LOC128125817: variants seen among roughly 807,000 people sequenced by gnomAD.
chr1:41,620,012 T>TG, the LOC128125817 span, among the ~76,000 whole-genome samples: 19 of 152,140 alleles, frequency 1.2e-4, no homozygotes, highest in Non-Finnish European at 2.5e-4. Context: ...TGCAGGGGTT[T>TG]GGGGGCTGCA....
the LOC128125817 span, among the ~76,000 whole-genome samples, chr1:41,623,972 A>G: frequency 3.9e-5 from 6 of 152,034 alleles, no homozygotes; most frequent in Non-Finnish European, 7.4e-5. Flanking sequence ...GCTCTTCTGC[A>G]CCTTTTCTTC....
the LOC128125817 span, among the ~76,000 whole-genome samples, chr1:41,608,398 G>A: frequency 6.6e-6 from 1 of 152,224 alleles, no homozygotes; most frequent in Non-Finnish European, 1.5e-5. Flanking sequence ...GGTCTGGAAT[G>A]CCCTTGCTCA....
At chr1:41,618,490 A>G in the LOC128125817 span, among the ~76,000 whole-genome samples, 1 of 152,158 alleles carries the variant, frequency 6.6e-6, no homozygotes, top group Admixed American at 6.5e-5. Context: ...GCAGCCTCCT[A>G]CCGAGGCCCA....
At chr1:41,608,661 A>G in the LOC128125817 span, among the ~76,000 whole-genome samples, 12 of 152,180 alleles carry the variant, frequency 7.9e-5, no homozygotes, top group African/African-American at 2.9e-4. Context: ...TTCTGCTCTG[A>G]TTGCTCTGTC....
chr1:41,585,501 G>A, the LOC128125817 span, among the ~76,000 whole-genome samples: 4 of 152,130 alleles, frequency 2.6e-5, no homozygotes, highest in African/African-American at 9.7e-5. Context: ...TCCAAGCCCT[G>A]CAATTCTTTC....
the LOC128125817 span, among the ~76,000 whole-genome samples, chr1:41,589,204 C>G: frequency 1.3e-5 from 2 of 152,192 alleles, no homozygotes; most frequent in Non-Finnish European, 1.5e-5. Flanking sequence ...GCTGGGCCAA[C>G]AGAGGCCTGA....
the LOC128125817 span, among the ~76,000 whole-genome samples, chr1:41,611,528 G>A: frequency 2.0e-4 from 30 of 152,240 alleles, no homozygotes; most frequent in Middle Eastern, 3.2e-3. Flanking sequence ...CAAAGGCACC[G>A]AAGGTTCCAT....
At chr1:41,588,717 G>T in the LOC128125817 span, among the ~76,000 whole-genome samples, 3 of 152,170 alleles carry the variant, frequency 2.0e-5, no homozygotes, top group Admixed American at 6.5e-5. Flanking sequence ...ACCGTTGGCT[G>T]CCAGGGCGCA....
At chr1:41,613,019 G>C in the LOC128125817 span, among the ~76,000 whole-genome samples, 1 of 152,220 alleles carries the variant, frequency 6.6e-6, no homozygotes. Context: ...AGCGCCCAAG[G>C]AAGCTCCAAG....
chr1:41,605,095 ACT>A, the LOC128125817 span, among the ~76,000 whole-genome samples: 31 of 128,638 alleles, frequency 2.4e-4, no homozygotes, highest in Admixed American at 9.9e-4. Context: ...ACAGAATGAG[ACT>A]CTGTCTCCAA....
the LOC128125817 span, among the ~76,000 whole-genome samples, chr1:41,602,336 A>C: frequency 1.3e-5 from 2 of 152,152 alleles, no homozygotes; most frequent in Non-Finnish European, 2.9e-5. Context: ...AATCTTTAAA[A>C]AATATTTTGG....
chr1:41,605,365 ACG>A, the LOC128125817 span, among the ~76,000 whole-genome samples: 2 of 124,388 alleles, frequency 1.6e-5, no homozygotes, highest in Admixed American at 8.9e-5. Context: ...ACATACACAC[ACG>A]CACACGCGCA....
chr1:41,595,073 T>C, the LOC128125817 span, among the ~76,000 whole-genome samples: 1 of 152,244 alleles, frequency 6.6e-6, no homozygotes, highest in Non-Finnish European at 1.5e-5. Context: ...ATAGAATTTG[T>C]GGGAAAGGGA....
At chr1:41,608,452 T>C in the LOC128125817 span, among the ~76,000 whole-genome samples, 1 of 152,204 alleles carries the variant, frequency 6.6e-6, no homozygotes, top group Admixed American at 6.5e-5. Flanking sequence ...GTTGGGGAAT[T>C]TGGCGGCCAC....
At chr1:41,625,757 T>A in the LOC128125817 span, among the ~76,000 whole-genome samples, 3 of 152,224 alleles carry the variant, frequency 2.0e-5, no homozygotes, top group Admixed American at 2.0e-4. Context: ...AAATAAAGTC[T>A]TTTGCATCTG....
the LOC128125817 span, among the ~76,000 whole-genome samples, chr1:41,586,495 G>A: frequency 9.6e-5 from 14 of 146,240 alleles, no homozygotes; most frequent in Non-Finnish European, 1.1e-4. Context: ...ATCCCTTGGC[G>A]AGGCCCTGGG....
chr1:41,605,108 T>TAAAAA, the LOC128125817 span, among the ~76,000 whole-genome samples: 1 of 83,972 alleles, frequency 1.2e-5, no homozygotes. Context: ...CTGTCTCCAA[T>TAAAAA]AAAAAAAAAA....
At chr1:41,594,311 C>T in the LOC128125817 span, among the ~76,000 whole-genome samples, 1 of 152,160 alleles carries the variant, frequency 6.6e-6, no homozygotes, top group Non-Finnish European at 1.5e-5. Context: ...CAACCTCTGC[C>T]TCCTGGGTTC....
At chr1:41,621,655 G>A in the LOC128125817 span, among the ~76,000 whole-genome samples, 1 of 152,328 alleles carries the variant, frequency 6.6e-6, no homozygotes. Flanking sequence ...AGGACTACAG[G>A]AGTATGACCA....
Sources: gnomAD v4.1 joint callset for allele counts (sites outside exome capture counted in the v4.1 genomes callset) on GRCh38, gnomAD v4.1.1 for gene constraint, MANE v1.5 for transcripts.